DNAJC8: variants seen among roughly 807,000 people sequenced by gnomAD.
DNAJC8 encodes the protein DnaJ heat shock protein family (Hsp40) member C8.
In DNAJC8, 24 loss-of-function variants were observed where a neutral mutation model predicts 43.2. The observed-to-expected ratio is 0.56, with a 90% CI of 0.40 to 0.78. The LOEUF is 0.78. DNAJC8 is among the 30% of genes least tolerant of loss of function. The pLI is 0.00. For missense variants in DNAJC8, 207 were observed against 299.4 expected (o/e 0.69, Z 2.28); for synonymous variants, 83 against 98.0 (o/e 0.85, Z 0.90).
At chr1:28,232,721 T>C (rs559509) in intron 1 of DNAJC8, among the ~76,000 whole-genome samples, 200 bp downstream of exon 1, 63,014 of 151,904 alleles carry the variant, frequency 0.41, 14,555 homozygotes, top group African/African-American at 0.62. Flanking sequence ...CGAACACCAT[T>C]CCCTCTTTCG....
At position 28,232,952 on chromosome 1, in the gene DNAJC8, G is replaced by A; in HGVS notation, c.47C>T (p.Thr16Ile). Residue 16 changes from threonine (T) to isoleucine (I), a missense_variant, in exon 1 of 9, where the codon ACC becomes ATC. Coordinates refer to ENST00000263697, the MANE Select transcript of DNAJC8 (RefSeq NM_014280.3). The stretch of plus-strand genomic sequence containing the variant: ...GTAGAAGGTCATAAATGCTTCCTCG[G>A]TGCTGCCTCCGCCGCCTGAAGTCCC... ...ESGTSGGGGS[T>I]EEAFMTFYSE... 2.5e-6 allele frequency: 4 copies of A among 1,613,230 alleles called. No individual in the cohort carries two copies. The highest frequency in any genetic ancestry group is 1.6e-4 in the Middle Eastern group (1 of 6,062).
chr1:28,217,572 G>C (rs1275070774), intron 2 of DNAJC8, among the ~76,000 whole-genome samples: 1 of 152,094 alleles, frequency 6.6e-6, no homozygotes, highest in Non-Finnish European at 1.5e-5. Context: ...TCACTCAATA[G>C]GAAGAGCGAA....
At chr1:28,207,374 T>C (rs1031231164) in intron 6 of DNAJC8, among the ~76,000 whole-genome samples, 2 of 152,082 alleles carry the variant, frequency 1.3e-5, no homozygotes, top group African/African-American at 4.8e-5. Flanking sequence ...TAAGACCCCG[T>C]CTCAAACAAA....
At chr1:28,211,088 C>T (rs1646807431) in intron 3 of DNAJC8, among the ~76,000 whole-genome samples, 1 of 152,138 alleles carries the variant, frequency 6.6e-6, no homozygotes. Flanking sequence ...GTGGGAGAAT[C>T]ACTTGAGCCT....
At chr1:28,216,694 C>T (rs1220299818) in intron 2 of DNAJC8, among the ~76,000 whole-genome samples, 1 of 151,614 alleles carries the variant, frequency 6.6e-6, no homozygotes, top group Non-Finnish European at 1.5e-5. Flanking sequence ...CAGCTGGGCC[C>T]ATTTGCATGT....
At chr1:28,232,881 G>A in intron 1 of DNAJC8, 40 bp downstream of exon 1, 3 of 1,603,288 alleles carry the variant, frequency 1.9e-6, no homozygotes, top group Non-Finnish European at 8.5e-7. Flanking sequence ...AGATCCGGGA[G>A]CGGTCGCCCC....
intron 1 of DNAJC8, among the ~76,000 whole-genome samples, chr1:28,231,370 CTT>C (rs1646973314): frequency 1.3e-5 from 2 of 152,212 alleles, no homozygotes; most frequent in East Asian, 1.9e-4. Flanking sequence ...AATTAACTCT[CTT>C]GTTTTTACAG....
chr1:28,215,642 A>G lies in DNAJC8; in HGVS notation c.181-646T>C, dbSNP rs1228524452. Reference sequence around the variant, plus strand: ...AACCTCCACCTCCGCGGTTCAAGCGATTTTCCTGCCTAAGCCTCCTGAGTA... The same window carrying G: ...AACCTCCACCTCCGCGGTTCAAGCGGTTTTCCTGCCTAAGCCTCCTGAGTA... On this transcript the variant is annotated intron_variant, in intron 2 of 8. Transcript: ENST00000263697. 2.7e-5 allele frequency among the ~76,000 whole-genome samples: 4 copies of G among 148,104 alleles called. No homozygotes were observed. In the East Asian group the frequency reaches 8.2e-4, roughly 30 times the overall value.
intron 1 of DNAJC8, among the ~76,000 whole-genome samples, chr1:28,232,657 T>A (rs1646987512): frequency 6.6e-6 from 1 of 152,186 alleles, no homozygotes; most frequent in Non-Finnish European, 1.5e-5. Context: ...CTTGGGGCAC[T>A]CTGCCCGCGC....
Position 28,200,708 on chromosome 1 carries a change from C to T in DNAJC8, c.*540G>A. ...CATGCCACACTGATTGGTCAGTAGA[C>T]AGGGGGCACATGCCAAACACCACAG... On this transcript the variant is annotated 3_prime_UTR_variant, in exon 9 of 9. Coordinates refer to ENST00000263697, the MANE Select transcript of DNAJC8 (RefSeq NM_014280.3). 4.4e-6 allele frequency: 2 copies of T among 454,372 alleles called. No individual in the cohort carries two copies. Among genetic ancestry groups the T allele is most frequent in the Non-Finnish European group, 8.8e-6 (2 of 226,700 alleles). 28.1% of individuals were successfully genotyped at this position (454,372 alleles called of 1,614,324 possible). A position where few individuals can be genotyped will look rare whatever the true frequency, so the allele number is the denominator to read the frequency against.
At chr1:28,203,973 T>C in intron 7 of DNAJC8, 151 bp from the exon 8 acceptor site, 1 of 724,402 alleles carries the variant, frequency 1.4e-6, no homozygotes, top group South Asian at 1.7e-5. Context: ...GCTCATAGCA[T>C]TTTCATGAAT....
At chr1:28,201,800 A>G (rs1441555492) in intron 8 of DNAJC8, among the ~76,000 whole-genome samples, 2 of 150,868 alleles carry the variant, frequency 1.3e-5, no homozygotes, top group South Asian at 2.1e-4. Flanking sequence ...AAAAAAAAAA[A>G]AAAGAAAAGA....
At chr1:28,209,152 A>G (rs1238709464) in intron 5 of DNAJC8, among the ~76,000 whole-genome samples, 1 of 152,168 alleles carries the variant, frequency 6.6e-6, no homozygotes, top group Non-Finnish European at 1.5e-5. Context: ...CCCTATTTCT[A>G]CCAGGATAGG....
chr1:28,223,728 GA>G (rs1646914862), intron 2 of DNAJC8, among the ~76,000 whole-genome samples: 2 of 138,832 alleles, frequency 1.4e-5, no homozygotes, highest in African/African-American at 2.8e-5. Flanking sequence ...AAAAAAAAAA[GA>G]AAAAAAGAAT....
chr1:28,225,902 C>T (rs1646931042), intron 2 of DNAJC8, among the ~76,000 whole-genome samples: 1 of 150,510 alleles, frequency 6.6e-6, no homozygotes, highest in South Asian at 2.1e-4. Flanking sequence ...TGGGGTTTCG[C>T]CATGTTGGCC....
At chr1:28,210,090 CTG>C in intron 4 of DNAJC8, 24 bp from the exon 5 acceptor site, 1 of 1,607,506 alleles carries the variant, frequency 6.2e-7, no homozygotes. Context: ...TTGAAATTAA[CTG>C]TTTCTGCAAA....
At chr1:28,228,820 C>A in intron 2 of DNAJC8, 102 bp downstream of exon 2, 1 of 963,900 alleles carries the variant, frequency 1.0e-6, no homozygotes. Context: ...TTTTCTCAAT[C>A]CTAACTATGA....
intron 2 of DNAJC8, among the ~76,000 whole-genome samples, chr1:28,224,523 C>T (rs1646920334): frequency 6.6e-6 from 1 of 152,124 alleles, no homozygotes; most frequent in Non-Finnish European, 1.5e-5. Context: ...CCGCCTCAGC[C>T]TCCCAAAGTG....
intron 2 of DNAJC8, among the ~76,000 whole-genome samples, chr1:28,222,192 A>C (rs907063766): frequency 1.3e-5 from 2 of 152,130 alleles, no homozygotes; most frequent in African/African-American, 4.8e-5. Flanking sequence ...GTGTATTTAA[A>C]AACAATGAAC....
Sources: allele counts gnomAD v4.1 joint callset (sites outside exome capture counted in the v4.1 genomes callset), GRCh38; gene constraint gnomAD v4.1.1; transcripts MANE v1.5; gene names NCBI Gene and HGNC (gene_info 2026-07-23, HGNC 2026-07-21).